MX2: variants seen among roughly 807,000 people sequenced by gnomAD.
MX2 encodes the protein interferon-induced GTP-binding protein Mx2.
In MX2, 51 loss-of-function variants were observed where a neutral mutation model predicts 74.0. The observed-to-expected ratio is 0.69, with a 90% CI of 0.55 to 0.87. The LOEUF (loss-of-function observed/expected upper bound fraction) is 0.87, where lower values mean the gene tolerates loss of function less well. Among genes scored for constraint, MX2 ranks in the 40% least tolerant of loss-of-function variants. MX2 has a pLI of 0.00. For synonymous variants in MX2, 369 were observed against 339.3 expected (o/e 1.09, Z -0.96); for missense variants, 832 against 908.7 (o/e 0.92, Z 1.09).
chr21:41,371,841 T>C (rs111667002), intron 1 of MX2, among the ~76,000 whole-genome samples: 5,238 of 152,236 alleles, frequency 0.034, 299 homozygotes, highest in African/African-American at 0.12. Flanking sequence ...ATGATGTGAC[T>C]TTGGGTGAGC....
chr21:41,385,037 CTGTGAG>C (rs531755430), intron 5 of MX2, among the ~76,000 whole-genome samples: 7 of 151,900 alleles, frequency 4.6e-5, no homozygotes, highest in Non-Finnish European at 8.8e-5. Flanking sequence ...AAGTGGCCTT[CTGTGAG>C]TGTGAGTGTG....
At chr21:41,390,779 G>C in intron 6 of MX2, 76 bp downstream of exon 6, 2 of 1,524,180 alleles carry the variant, frequency 1.3e-6, no homozygotes, top group Non-Finnish European at 1.8e-6. Context: ...GCCAAGACGG[G>C]CGGATCACGA....
intron 5 of MX2, among the ~76,000 whole-genome samples, chr21:41,383,881 G>T (rs1003688548): frequency 1.1e-4 from 17 of 152,260 alleles, no homozygotes; most frequent in Non-Finnish European, 2.1e-4. Flanking sequence ...CAAGTTATGG[G>T]ATTTCCTAGA....
intron 1 of MX2, among the ~76,000 whole-genome samples, chr21:41,362,576 G>A (rs765041824): frequency 6.6e-6 from 1 of 151,808 alleles, no homozygotes; most frequent in Non-Finnish European, 1.5e-5. Flanking sequence ...ATTCTCTTCC[G>A]TTCTCATGGT....
chr21:41,384,791 A>C (rs947299084), intron 5 of MX2, among the ~76,000 whole-genome samples: 4 of 151,104 alleles, frequency 2.6e-5, no homozygotes, highest in Non-Finnish European at 4.4e-5. Flanking sequence ...GTGAGCCAAG[A>C]TCGTGCCACT....
In MX2 at chr21:41,395,486, A is replaced by G. The variant is rs73370155; in HGVS notation, c.872-101A>G. 4,145 of 997,294 alleles carry G rather than the reference A, an allele frequency of 4.2e-3. 104 individuals are homozygous for G. The African/African-American group carries it at 0.057, about 14-fold the overall frequency. The allele number at this position is 997,294 out of a possible 1,614,324, so 61.8% of individuals were successfully genotyped here. A position where few individuals can be genotyped will look rare whatever the true frequency, so the allele number is the denominator to read the frequency against. On this transcript the variant is annotated intron_variant, in intron 6 of 13. Transcript: ENST00000330714. The stretch of plus-strand genomic sequence containing the variant: ...GGCACTGGAGGATCAAGACTGCAGA[A>G]GACCTTGTTGGCCAAAAAAGGAGCC...
At position 41,408,291 on chromosome 21, in the gene MX2, C is replaced by T. The variant is rs1163570630; in HGVS notation, c.*58C>T. ...CGTACTCATTCATTCTAAGGGGAGT[C>T]GGTGCAGGATGCCGCTTCTGCTTTG... On this transcript the variant is annotated 3_prime_UTR_variant, in exon 14 of 14. Coordinates refer to ENST00000330714, the MANE Select transcript of MX2 (RefSeq NM_002463.2). 3.8e-6 allele frequency: 6 copies of T among 1,591,384 alleles called. No individual in the cohort carries two copies. Among genetic ancestry groups the T allele is most frequent in the East Asian group, 2.2e-5 (1 of 44,654 alleles).
chr21:41,408,299 G>C lies in MX2; in HGVS notation c.*66G>C. 2.5e-6 allele frequency: 4 copies of C among 1,578,306 alleles called. No homozygotes were observed. On this transcript the variant is annotated 3_prime_UTR_variant, in exon 14 of 14. Transcript: ENST00000330714. ...TTCATTCTAAGGGGAGTCGGTGCAG[G>C]ATGCCGCTTCTGCTTTGGGGCCAAA... is the stretch of plus-strand genomic sequence containing the variant.
chr21:41,391,789 CTTTT>C (rs80000028), intron 6 of MX2, among the ~76,000 whole-genome samples: 27,018 of 141,598 alleles, frequency 0.19, 3,690 homozygotes, highest in African/African-American at 0.37. Context: ...TTTTCTTTTT[CTTTT>C]TTTTTTTTTT....
chr21:41,397,893 T>C (rs2089756984), intron 8 of MX2, among the ~76,000 whole-genome samples: 2 of 152,148 alleles, frequency 1.3e-5, no homozygotes, highest in Non-Finnish European at 2.9e-5. Context: ...TTAAAACAAA[T>C]GTTTGAATTG....
chr21:41,399,182 T>C lies in MX2; in HGVS notation c.1273-14T>C, dbSNP rs756063232. On this transcript the variant is annotated splice_polypyrimidine_tract_variant and intron_variant, in intron 9 of 13. Transcript: ENST00000330714. ...TGATTTCCGCAAAGACTATTGACTT[T>C]ATATCATTTTCAGAAAATCAAGATG... 1 of 1,613,078 alleles carries C rather than the reference T, an allele frequency of 6.2e-7. No individual in the cohort carries two copies. The highest frequency in any genetic ancestry group is 1.1e-5 in the South Asian group (1 of 90,982).
At chr21:41,378,068 G>A in intron 3 of MX2, 87 bp downstream of exon 3, 1 of 1,458,284 alleles carries the variant, frequency 6.9e-7, no homozygotes, top group East Asian at 2.5e-5. Context: ...AGGTTTTAGA[G>A]ACAGGCTGCT....
intron 5 of MX2, among the ~76,000 whole-genome samples, chr21:41,387,566 G>A (rs2089597039): frequency 1.3e-5 from 2 of 152,280 alleles, no homozygotes; most frequent in South Asian, 4.1e-4. Flanking sequence ...CTCTCCTTAA[G>A]TGAATTGTTC....
rs373955778 is a variant in MX2 at position 41,393,110 on chromosome 21, C to CAA, written c.871+2427_871+2428dup. On this transcript the variant is annotated intron_variant, in intron 6 of 13. Coordinates refer to ENST00000330714, the MANE Select transcript of MX2 (RefSeq NM_002463.2). ...AGAGTGAGATTCTGTCTCAAAAAAG[C>CAA]AAAAAAAAAAAAAAAAAAAAAGAAA... Among the ~76,000 whole-genome samples the CAA allele has an allele frequency of 2.7e-3, 160 of 60,080 alleles. 1 individual carries two copies. The highest frequency in any genetic ancestry group is 9.6e-3 in the Admixed American group (38 of 3,960). 39.4% of individuals were successfully genotyped at this position (60,080 alleles called of 152,430 possible). A position where few individuals can be genotyped will look rare whatever the true frequency, so the allele number is the denominator to read the frequency against.
chr21:41,367,296 A>G (rs2089274056), intron 1 of MX2: 1 of 152,164 alleles, frequency 6.6e-6, no homozygotes, highest in Non-Finnish European at 1.5e-5. Flanking sequence ...AAATAAATCC[A>G]TGGATATGTT....
chr21:41,401,781 C>T, intron 10 of MX2, 189 bp from the exon 11 acceptor site: 1 of 535,088 alleles, frequency 1.9e-6, no homozygotes, highest in Non-Finnish European at 3.2e-6. Context: ...GATTTTTTTC[C>T]CCCAAAAGTC....
At chr21:41,397,007 A>G (rs2089744997) in intron 7 of MX2, among the ~76,000 whole-genome samples, 1 of 152,128 alleles carries the variant, frequency 6.6e-6, no homozygotes, top group Admixed American at 6.5e-5. Context: ...GGTCTTTGGG[A>G]AATCTGAAAT....
At position 41,388,936 on chromosome 21, in the gene MX2, G is replaced by A. The variant is rs139519489; in HGVS notation, c.733-1629G>A. On this transcript the variant is annotated intron_variant, in intron 5 of 13. Transcript: ENST00000330714. The surrounding 1 kb of genome is among the most constrained non-coding windows in gnomAD (Gnocchi z 4.0). ...GTGGGTAAAGGCCACAGAGTCTGCT[G>A]GACAGCTTACAATGCCTAGGATGGC... is the stretch of plus-strand genomic sequence containing the variant. 3.0e-4 allele frequency among the ~76,000 whole-genome samples: 46 copies of A among 152,212 alleles called. No individual in the cohort carries two copies. Among genetic ancestry groups the A allele is most frequent in the African/African-American group, 1.0e-3 (43 of 41,526 alleles).
chr21:41,386,023 G>T (rs992537048), intron 5 of MX2, among the ~76,000 whole-genome samples: 5 of 151,760 alleles, frequency 3.3e-5, no homozygotes, highest in Admixed American at 1.3e-4. Flanking sequence ...GATAAGGGCT[G>T]GGCACAGTGG....
Sources: allele counts gnomAD v4.1 joint callset (sites outside exome capture counted in the v4.1 genomes callset), GRCh38; gene constraint gnomAD v4.1.1; non-coding constraint Gnocchi (gnomAD v3.1); transcripts MANE v1.5; gene names NCBI Gene and HGNC (gene_info 2026-07-23, HGNC 2026-07-21).